Variants in CD226 observed in about 807,000 individuals in gnomAD.
CD226 encodes CD226 antigen.
In CD226, 24 loss-of-function variants were observed where a neutral mutation model predicts 34.9. The observed-to-expected ratio is 0.69, with a 90% CI of 0.50 to 0.97. The LOEUF is 0.97. Among genes scored for constraint, CD226 ranks in the 50% least tolerant of loss-of-function variants. CD226 has a pLI of 0.00. For synonymous variants in CD226, 148 were observed against 147.4 expected, an observed-to-expected ratio of 1.00 and a Z score of -0.03; for missense variants, 397 against 412.7, an observed-to-expected ratio of 0.96 and a Z score of 0.33.
intron 3 of CD226, among the ~76,000 whole-genome samples, chr18:69,873,912 GC>G (rs1983702895): frequency 6.6e-6 from 1 of 152,038 alleles, no homozygotes; most frequent in Non-Finnish European, 1.5e-5. Context: ...TATCTTTTAT[GC>G]CTGATATATT....
At chr18:69,882,705 C>T (rs1018391604) in intron 3 of CD226, among the ~76,000 whole-genome samples, 9 of 152,338 alleles carry the variant, frequency 5.9e-5, no homozygotes, top group African/African-American at 1.9e-4. Flanking sequence ...ACATACCTTT[C>T]TCACTGTCTT....
intron 2 of CD226, among the ~76,000 whole-genome samples, chr18:69,941,223 G>A (rs1336537131): frequency 6.6e-6 from 1 of 152,246 alleles, no homozygotes; most frequent in Non-Finnish European, 1.5e-5. Flanking sequence ...CACTGCAGCA[G>A]GGAAATGTGG....
chr18:69,928,402 G>A (rs7238367), intron 2 of CD226, among the ~76,000 whole-genome samples: 30,213 of 152,122 alleles, frequency 0.2, 3,981 homozygotes, highest in East Asian at 0.42. Context: ...CCCTCATTCA[G>A]GACAGGAGGC....
chr18:69,935,824 A>G (rs1042103332), intron 2 of CD226, among the ~76,000 whole-genome samples: 3 of 152,170 alleles, frequency 2.0e-5, no homozygotes, highest in Non-Finnish European at 4.4e-5. Flanking sequence ...CTACTCTACA[A>G]TCATCTTGAA....
Position 69,863,856 on chromosome 18 carries a change from C to A in CD226, c.*458G>T, listed in dbSNP as rs939458609. 7 of 153,012 alleles carry A rather than the reference C, an allele frequency of 4.6e-5. No individual in the cohort carries two copies. Among genetic ancestry groups the A allele is most frequent in the African/African-American group, 1.7e-4 (7 of 41,464 alleles). The allele number at this position is 153,012 out of a possible 1,614,324, so 9.5% of individuals were successfully genotyped here. A position where few individuals can be genotyped will look rare whatever the true frequency, so the allele number is the denominator to read the frequency against. ...TTGTTTGCTCCATTTGAGAAGCAAACTCTCTACCAGACAGAAACAAGGATG... is the reference window on the plus strand; with the variant it reads ...TTGTTTGCTCCATTTGAGAAGCAAAATCTCTACCAGACAGAAACAAGGATG... On this transcript the variant is annotated 3_prime_UTR_variant, in exon 6 of 6. Coordinates refer to ENST00000582621, the MANE Select transcript of CD226 (RefSeq NM_001303618.2).
chr18:69,938,993 G>A (rs1334488843), intron 2 of CD226, among the ~76,000 whole-genome samples: 1 of 152,182 alleles, frequency 6.6e-6, no homozygotes, highest in Non-Finnish European at 1.5e-5. Context: ...GGCTGAGGCA[G>A]GAGAACCACT....
At chr18:69,889,297 T>A (rs946197998) in intron 3 of CD226, among the ~76,000 whole-genome samples, 11 of 152,274 alleles carry the variant, frequency 7.2e-5, no homozygotes, top group Middle Eastern at 6.8e-3. Flanking sequence ...ATAAATTAAC[T>A]GTCATGGACA....
At chr18:69,941,583 G>A (rs1407525492) in intron 2 of CD226, among the ~76,000 whole-genome samples, 1 of 152,158 alleles carries the variant, frequency 6.6e-6, no homozygotes, top group Non-Finnish European at 1.5e-5. Flanking sequence ...TAGCCCCTTT[G>A]TTTTGGCCAA....
At chr18:69,865,497 C>T (rs1372876485) in intron 5 of CD226, among the ~76,000 whole-genome samples, 1 of 150,788 alleles carries the variant, frequency 6.6e-6, no homozygotes. Context: ...GCAAAGCTCC[C>T]TTTCATTCCC....
intron 3 of CD226, among the ~76,000 whole-genome samples, chr18:69,874,272 T>C (rs1983728776): frequency 6.6e-6 from 1 of 152,206 alleles, no homozygotes; most frequent in Non-Finnish European, 1.5e-5. Flanking sequence ...AAATGTCCCC[T>C]CTGGAGTGTG....
At chr18:69,885,159 A>G (rs555094869) in intron 3 of CD226, among the ~76,000 whole-genome samples, 1 of 152,328 alleles carries the variant, frequency 6.6e-6, no homozygotes, top group South Asian at 2.1e-4. Flanking sequence ...AATCAAGATA[A>G]ACAACCTGGT....
intron 2 of CD226, among the ~76,000 whole-genome samples, chr18:69,913,174 C>T (rs1220747562): frequency 1.3e-5 from 2 of 152,178 alleles, no homozygotes; most frequent in African/African-American, 4.8e-5. Context: ...GCCATCTTCC[C>T]CGTCTCCACA....
intron 3 of CD226, among the ~76,000 whole-genome samples, chr18:69,880,362 AAGG>A (rs1388525851): frequency 9.2e-5 from 5 of 54,082 alleles, no homozygotes; most frequent in South Asian, 8.5e-4. Context: ...GAAAGAAAGG[AAGG>A]AAGGAAGGAA....
intron 3 of CD226, among the ~76,000 whole-genome samples, chr18:69,893,906 A>G (rs559581668): frequency 7.4e-4 from 113 of 152,380 alleles, no homozygotes; most frequent in Admixed American, 2.2e-3. Context: ...CTGTTTATAC[A>G]AGACCTTTTC....
intron 3 of CD226, 39 bp downstream of exon 3, chr18:69,895,662 T>A (rs752605407): frequency 9.8e-6 from 15 of 1,524,526 alleles, no homozygotes; most frequent in Non-Finnish European, 1.4e-5. Flanking sequence ...GCTGGCTTTT[T>A]CCATGTTTGA....
chr18:69,895,842 C>T lies in CD226; in HGVS notation c.586G>A (p.Val196Met), dbSNP rs367564511. Residue 196 changes from valine (V) to methionine (M), a missense_variant, in exon 3 of 6, where the codon GTG becomes ATG. Val to Met is a conservative substitution (Grantham distance 21). Coordinates refer to ENST00000582621, the MANE Select transcript of CD226 (RefSeq NM_001303618.2). ...NFTSKFPRQI[V>M]SNCSHGRWSV... ...CACCTTCCGTGGCTGCAGTTGCTCACTATTTGTCTTGGGAACTTGGAGGTG... is the reference window on the plus strand; with the variant it reads ...CACCTTCCGTGGCTGCAGTTGCTCATTATTTGTCTTGGGAACTTGGAGGTG... 1.2e-6 allele frequency: 2 copies of T among 1,614,062 alleles called. No homozygotes were observed. The highest frequency in any genetic ancestry group is 2.7e-5 in the African/African-American group (2 of 74,936).
intron 2 of CD226, among the ~76,000 whole-genome samples, chr18:69,921,523 C>T (rs1212364039): frequency 1.3e-5 from 2 of 152,196 alleles, no homozygotes; most frequent in African/African-American, 4.8e-5. Flanking sequence ...GAGGGCACCA[C>T]ATCTTTTAAC....
chr18:69,950,735 G>T (rs1167613122), upstream of CD226, among the ~76,000 whole-genome samples: 1 of 152,058 alleles, frequency 6.6e-6, no homozygotes, highest in Non-Finnish European at 1.5e-5. Flanking sequence ...AGAGATGAGT[G>T]GGGTGGGAGT....
chr18:69,956,231 T>G (rs1480718340), intron 1 of CD226, among the ~76,000 whole-genome samples: 1 of 152,240 alleles, frequency 6.6e-6, no homozygotes, highest in Non-Finnish European at 1.5e-5. Context: ...GTTTTTGTGC[T>G]GCAATGCTGG....
Sources: gnomAD v4.1 joint callset for allele counts (sites outside exome capture counted in the v4.1 genomes callset) on GRCh38, gnomAD v4.1.1 for gene constraint, MANE v1.5 for transcripts, NCBI Gene and HGNC (gene_info 2026-07-23, HGNC 2026-07-21) for gene names.